Variants in DNAH8 observed in about 807,000 individuals in gnomAD.
DNAH8 encodes axonemal beta dynein heavy chain 8.
In DNAH8, 382 loss-of-function variants were observed where a neutral mutation model predicts 562.1. The ratio of observed to expected loss-of-function variants is 0.68; its 90% CI spans 0.63 to 0.74. DNAH8 has a LOEUF of 0.74. Ranked by LOEUF, DNAH8 falls within the 30% of genes least tolerant of loss-of-function variation. The probability of loss-of-function intolerance (pLI) is 0.00; values close to 1 mark genes in which losing one functional copy is unlikely to be tolerated. For synonymous variants in DNAH8, 1,881 were observed against 1,919.4 expected, an observed-to-expected ratio of 0.98 and a Z score of 0.52; for missense variants, 5,203 against 5,620.4, an observed-to-expected ratio of 0.93 and a Z score of 2.37.
chr6:38,771,764 T>C (rs1423818288), intron 12 of DNAH8, among the ~76,000 whole-genome samples: 1 of 148,884 alleles, frequency 6.7e-6, no homozygotes, highest in African/African-American at 2.4e-5. Context: ...GTACGGATAA[T>C]ATCAGTTTAT....
intron 30 of DNAH8, among the ~76,000 whole-genome samples, chr6:38,831,586 A>G (rs1240333444): frequency 1.3e-5 from 2 of 152,176 alleles, no homozygotes; most frequent in African/African-American, 4.8e-5. Flanking sequence ...ATATGTTCCA[A>G]TCTAAAGATA....
rs999680920 is a variant in DNAH8 at position 38,812,235 on chromosome 6, G to C, written c.3258-1819G>C. Among the ~76,000 whole-genome samples, 12 of 152,210 alleles carry C rather than the reference G, an allele frequency of 7.9e-5. No individual in the cohort carries two copies. In the East Asian group the frequency reaches 1.9e-3, roughly 24 times the overall value. ...CCGGAACCCTGGCTAGGCTGTCCTT[G>C]AGTTTCTCTCCATTTCTACTTCATG... On this transcript the variant is annotated intron_variant, in intron 24 of 92. Transcript: ENST00000327475.
intron 82 of DNAH8, among the ~76,000 whole-genome samples, chr6:38,957,008 T>TA (rs1242802050): frequency 6.6e-6 from 1 of 152,182 alleles, no homozygotes; most frequent in Non-Finnish European, 1.5e-5. Flanking sequence ...ATGGATTTTT[T>TA]AAAAAAGACC....
Position 38,848,680 on chromosome 6 carries a change from A to G in DNAH8, c.5078A>G (p.Asn1693Ser). 1 of 1,611,660 alleles carries G rather than the reference A, an allele frequency of 6.2e-7. No homozygotes were observed. Among genetic ancestry groups the G allele is most frequent in the Non-Finnish European group, 8.5e-7 (1 of 1,178,104 alleles). ...YNAPFKKNIQ[N>S]WVYKLSTSSD... ...GCTCCATTTAAAAAAAATATCCAGA[A>G]TTGGGTGTATAAATTGTCCACTTCC... Residue 1693 changes from asparagine (N) to serine (S), a missense_variant, in exon 37 of 93, where the codon AAT (asparagine) becomes AGT (serine). Asn to Ser is a conservative substitution (Grantham distance 46). Coordinates refer to ENST00000327475, the MANE Select transcript of DNAH8 (RefSeq NM_001206927.2).
chr6:38,882,989 G>A lies in DNAH8; in HGVS notation c.7938G>A (p.Leu2646=). 1 of 1,603,582 alleles carries A rather than the reference G, an allele frequency of 6.2e-7. No individual in the cohort carries two copies. Among genetic ancestry groups the A allele is most frequent in the South Asian group, 1.1e-5 (1 of 88,092 alleles). The part of the protein sequence containing the change: ...TDSIPEYSSI[L]VPNVDNIRTN... ...GTATTCCGGAATATTCATCAATTTTGGTTCCAAATGTTGACAATATTAGAA... is the reference window on the plus strand; with the variant it reads ...GTATTCCGGAATATTCATCAATTTTAGTTCCAAATGTTGACAATATTAGAA... Residue 2646 remains leucine, a synonymous_variant, in exon 54 of 93, where the codon TTG becomes TTA. Transcript: ENST00000327475.
intron 53 of DNAH8, among the ~76,000 whole-genome samples, chr6:38,878,994 T>C (rs1005485213): frequency 1.3e-5 from 2 of 152,120 alleles, no homozygotes; most frequent in African/African-American, 2.4e-5. Context: ...CCCATAAATA[T>C]ATACAATTGT....
At chr6:38,871,013 A>G (rs1208957753) in intron 49 of DNAH8, among the ~76,000 whole-genome samples, 1 of 152,146 alleles carries the variant, frequency 6.6e-6, no homozygotes, top group African/African-American at 2.4e-5. Context: ...TTTTGACTGC[A>G]TATGTTGGTG....
intron 79 of DNAH8, among the ~76,000 whole-genome samples, chr6:38,945,156 T>A (rs958625816): frequency 1.3e-5 from 2 of 152,154 alleles, no homozygotes; most frequent in Non-Finnish European, 2.9e-5. Context: ...TTCATTGATA[T>A]CAAAATTATA....
chr6:38,777,907 G>C (rs1310216488), intron 13 of DNAH8, among the ~76,000 whole-genome samples: 1 of 152,148 alleles, frequency 6.6e-6, no homozygotes, highest in Non-Finnish European at 1.5e-5. Context: ...GCTTGTAAGG[G>C]ACCTTCACTC....
intron 91 of DNAH8, among the ~76,000 whole-genome samples, chr6:39,023,231 G>C (rs146463832): frequency 2.6e-5 from 4 of 152,170 alleles, no homozygotes; most frequent in Non-Finnish European, 4.4e-5. Context: ...AGTGGCTCAC[G>C]ACTGTAATCC....
intron 55 of DNAH8, 128 bp downstream of exon 55, chr6:38,883,584 A>G: frequency 9.0e-7 from 1 of 1,108,946 alleles, no homozygotes; most frequent in Non-Finnish European, 1.2e-6. Context: ...TGCACTTGGC[A>G]TTCAGCTGTT....
At position 38,999,691 on chromosome 6, in the gene DNAH8, ACT is replaced by A. The variant is rs552037939; in HGVS notation, c.13215-9120_13215-9119del. On this transcript the variant is annotated intron_variant, in intron 88 of 92. Transcript: ENST00000327475. ...ATAAAGTATAAGAAAAATACAAGTA[ACT>A]CTGAGAGGGGGAATCCTGTGAAAAT... Among the ~76,000 whole-genome samples the A allele has an allele frequency of 2.0e-3, 302 of 151,912 alleles. 1 individual carries two copies. The highest frequency in any genetic ancestry group is 6.8e-3 in the African/African-American group (284 of 41,486).
intron 24 of DNAH8, among the ~76,000 whole-genome samples, chr6:38,809,739 G>C (rs1055401890): frequency 3.9e-5 from 6 of 152,018 alleles, no homozygotes; most frequent in Admixed American, 3.9e-4. Flanking sequence ...TAATTGTACT[G>C]TTCAATTCTC....
At chr6:38,819,059 T>G (rs1334452277) in intron 26 of DNAH8, among the ~76,000 whole-genome samples, 1 of 152,198 alleles carries the variant, frequency 6.6e-6, no homozygotes, top group Non-Finnish European at 1.5e-5. Flanking sequence ...TAGGACTTAT[T>G]TATGATCCTG....
chr6:38,796,480 C>T (rs1239677152), intron 21 of DNAH8, among the ~76,000 whole-genome samples: 2 of 152,068 alleles, frequency 1.3e-5, no homozygotes, highest in Non-Finnish European at 2.9e-5. Context: ...CAATTTCTGC[C>T]TCCAAAGAAA....
At chr6:38,923,478 A>T (rs2150560366) in intron 72 of DNAH8, 1 of 255,722 alleles carries the variant, frequency 3.9e-6, no homozygotes, top group South Asian at 7.5e-5. Context: ...AATGATTTTG[A>T]AAGTGTGGAT....
At chr6:39,015,685 T>C (rs1196480534) in intron 91 of DNAH8, among the ~76,000 whole-genome samples, 2 of 152,254 alleles carry the variant, frequency 1.3e-5, no homozygotes, top group African/African-American at 4.8e-5. Context: ...GTTTCGGGTA[T>C]GTCTTTATAG....
intron 71 of DNAH8, among the ~76,000 whole-genome samples, chr6:38,922,240 G>A (rs1295669694): frequency 6.6e-6 from 1 of 151,530 alleles, no homozygotes; most frequent in East Asian, 1.9e-4. Context: ...TGTAAGCAGT[G>A]GTGGTCTGGT....
intron 92 of DNAH8, 33 bp from the exon 93 acceptor site, chr6:39,030,072 T>G: frequency 6.4e-7 from 1 of 1,566,142 alleles, no homozygotes; most frequent in Non-Finnish European, 8.7e-7. Context: ...GTTTAAAAAA[T>G]AAATCCTATT....
Sources: allele counts gnomAD v4.1 joint callset (sites outside exome capture counted in the v4.1 genomes callset), GRCh38; gene constraint gnomAD v4.1.1; transcripts MANE v1.5; gene names NCBI Gene and HGNC (gene_info 2026-07-23, HGNC 2026-07-21).